The following ADAMTS18 variants were observed in gnomAD, a reference collection of about 807,000 sequenced individuals.
ADAMTS18 encodes ADAM metallopeptidase with thrombospondin type 1 motif 18.
A neutral mutation model predicts 165.9 loss-of-function variants in ADAMTS18; 157 were observed. The ratio of observed to expected loss-of-function variants is 0.95; its 90% CI spans 0.83 to 1.08. The LOEUF (loss-of-function observed/expected upper bound fraction) is 1.08. Ranked by LOEUF, ADAMTS18 falls within the 50% of genes least tolerant of loss-of-function variation. The pLI is 0.00. For synonymous variants in ADAMTS18, 782 were observed against 578.2 expected (o/e 1.35, Z -5.06); for missense variants, 2,040 against 1,534.0 (o/e 1.33, Z -5.51).
chr16:77,434,686 C>A lies in ADAMTS18; in HGVS notation c.10G>T (p.Ala4Ser). Residue 4 changes from alanine to serine, a missense_variant, in exon 1 of 23, where the codon GCC becomes TCC. Ala to Ser is a moderately conservative substitution (Grantham distance 99). Coordinates refer to ENST00000282849, the MANE Select transcript of ADAMTS18 (RefSeq NM_199355.4). Reference protein sequence around the residue: MECALLLACAFPAA... With the variant: MECSLLLACAFPAA... ...GGGAAGGCACACGCGAGCAGGAGGG[C>A]GCACTCCATGGTCAGGTGCGGACGC... The A allele has an allele frequency of 1.4e-6, 2 of 1,475,630 alleles. No individual in the cohort carries two copies. Among genetic ancestry groups the A allele is most frequent in the Non-Finnish European group, 1.8e-6 (2 of 1,119,832 alleles). The allele number at this position is 1,475,630 out of a possible 1,614,324, so 91.4% of individuals were successfully genotyped here. A position where few individuals can be genotyped will look rare whatever the true frequency, so the allele number is the denominator to read the frequency against.
chr16:77,307,909 C>A (rs1340726274), intron 16 of ADAMTS18, among the ~76,000 whole-genome samples: 1 of 152,174 alleles, frequency 6.6e-6, no homozygotes, highest in Non-Finnish European at 1.5e-5. Context: ...ACTGTCATCT[C>A]ATTGATCAAT....
intron 13 of ADAMTS18, among the ~76,000 whole-genome samples, 197 bp downstream of exon 13, chr16:77,325,669 T>C (rs1272302142): frequency 6.9e-6 from 1 of 144,342 alleles, no homozygotes; most frequent in Non-Finnish European, 1.5e-5. Context: ...AAGAGGTATC[T>C]TATAGGGGGA....
intron 22 of ADAMTS18, among the ~76,000 whole-genome samples, chr16:77,288,046 G>A (rs535238530): frequency 1.3e-4 from 20 of 152,232 alleles, no homozygotes; most frequent in African/African-American, 4.8e-4. Context: ...CTTTCATGTA[G>A]CCCTACACTC....
chr16:77,431,999 A>G (rs1207657789), intron 2 of ADAMTS18, among the ~76,000 whole-genome samples: 1 of 152,214 alleles, frequency 6.6e-6, no homozygotes, highest in Admixed American at 6.5e-5. Context: ...GATAAAGTTA[A>G]TAAACATAAA....
intron 2 of ADAMTS18, chr16:77,432,311 T>C (rs62043627): frequency 0.06 from 9,117 of 152,610 alleles, 349 homozygotes; most frequent in East Asian, 0.14. Context: ...TGCCTCAAAA[T>C]TGTCAGAACC....
intron 3 of ADAMTS18, among the ~76,000 whole-genome samples, chr16:77,374,404 C>A (rs72801650): frequency 0.017 from 2,647 of 152,108 alleles, 38 homozygotes; most frequent in Middle Eastern, 0.055. Flanking sequence ...AATACCTTAA[C>A]CTAACCTTAC....
chr16:77,375,381 CAAAAA>C (rs1241673225), intron 3 of ADAMTS18, among the ~76,000 whole-genome samples: 1 of 151,540 alleles, frequency 6.6e-6, no homozygotes, highest in Admixed American at 6.6e-5. Context: ...GAGTCCATCT[CAAAAA>C]AATAAAATAA....
At chr16:77,432,206 T>G (rs1257060829) in intron 2 of ADAMTS18, among the ~76,000 whole-genome samples, 2 of 152,192 alleles carry the variant, frequency 1.3e-5, no homozygotes, top group Non-Finnish European at 2.9e-5. Flanking sequence ...ATAAGAAAAC[T>G]CCAGCACTTG....
chr16:77,336,305 A>G (rs146376819), intron 11 of ADAMTS18, among the ~76,000 whole-genome samples: 39 of 152,322 alleles, frequency 2.6e-4, no homozygotes, highest in African/African-American at 9.1e-4. Context: ...AACAGTTAAG[A>G]TATTAACACA....
chr16:77,308,227 C>G (rs547467664), intron 16 of ADAMTS18, among the ~76,000 whole-genome samples: 1 of 152,222 alleles, frequency 6.6e-6, no homozygotes, highest in East Asian at 1.9e-4. Flanking sequence ...AAAAGGAATG[C>G]TGTGAAAACA....
intron 16 of ADAMTS18, among the ~76,000 whole-genome samples, chr16:77,311,771 G>T (rs1182365409): frequency 2.7e-5 from 4 of 147,420 alleles, no homozygotes; most frequent in Non-Finnish European, 4.4e-5. Flanking sequence ...AAAAATACAA[G>T]CAAGGCACGT....
chr16:77,375,596 A>G (rs912524193), intron 3 of ADAMTS18, among the ~76,000 whole-genome samples: 3 of 152,122 alleles, frequency 2.0e-5, no homozygotes, highest in Admixed American at 6.6e-5. Context: ...TAAGGAGCGG[A>G]AGGGGTGGTG....
In ADAMTS18 at chr16:77,421,640, C is replaced by A. The variant is rs1408995922; in HGVS notation, c.495+9655G>T. ...CAGTAACTTTGCATGTTATACAAGC[C>A]AGGTATTAATGATGGTGATACTGGG... On this transcript the variant is annotated intron_variant, in intron 3 of 22. Coordinates refer to ENST00000282849, the MANE Select transcript of ADAMTS18 (RefSeq NM_199355.4). 3.3e-5 allele frequency among the ~76,000 whole-genome samples: 5 copies of A among 152,220 alleles called. No homozygotes were observed. In the East Asian group the frequency reaches 5.8e-4, roughly 18 times the overall value.
At chr16:77,356,894 C>G (rs2056638981) in intron 8 of ADAMTS18, among the ~76,000 whole-genome samples, 1 of 151,714 alleles carries the variant, frequency 6.6e-6, no homozygotes, top group Non-Finnish European at 1.5e-5. Flanking sequence ...ACAAAGCTTA[C>G]TTCAGGCGAT....
chr16:77,372,581 A>C (rs1325424791), intron 3 of ADAMTS18, among the ~76,000 whole-genome samples: 1 of 152,204 alleles, frequency 6.6e-6, no homozygotes, highest in Non-Finnish European at 1.5e-5. Context: ...TGTTTCAGGC[A>C]TTGCCATAAA....
chr16:77,330,915 A>G (rs575623577), intron 12 of ADAMTS18, among the ~76,000 whole-genome samples: 5 of 152,356 alleles, frequency 3.3e-5, no homozygotes, highest in South Asian at 2.1e-4. Context: ...AAAGAAATCC[A>G]TAACTTGAAA....
intron 15 of ADAMTS18, 28 bp downstream of exon 15, chr16:77,321,051 A>C (rs1567479755): frequency 6.2e-7 from 1 of 1,614,096 alleles, no homozygotes; most frequent in African/African-American, 1.3e-5. Flanking sequence ...GTATCTCATT[A>C]ACAATAACAA....
At chr16:77,420,961 C>A (rs952331083) in intron 3 of ADAMTS18, among the ~76,000 whole-genome samples, 1 of 152,200 alleles carries the variant, frequency 6.6e-6, no homozygotes, top group Admixed American at 6.5e-5. Context: ...TATAGCAGAA[C>A]TCGGTAAATC....
chr16:77,330,895 C>G (rs944155569), intron 12 of ADAMTS18, among the ~76,000 whole-genome samples: 1 of 152,094 alleles, frequency 6.6e-6, no homozygotes, highest in African/African-American at 2.4e-5. Flanking sequence ...AATGCTTAAA[C>G]TGAAGCAAGA....
Sources: gnomAD v4.1 joint callset for allele counts (sites outside exome capture counted in the v4.1 genomes callset) on GRCh38, gnomAD v4.1.1 for gene constraint, MANE v1.5 for transcripts, NCBI Gene and HGNC (gene_info 2026-07-23, HGNC 2026-07-21) for gene names.